The following MCM4 variants were observed in gnomAD, a reference collection of about 807,000 sequenced individuals.
The protein encoded by MCM4 is minichromosome maintenance complex component 4, also known as DNA replication licensing factor MCM4.
A neutral mutation model predicts 88.7 loss-of-function variants in MCM4; 60 were observed. That is an observed-to-expected ratio of 0.68 (90% CI 0.55 to 0.84). The LOEUF (loss-of-function observed/expected upper bound fraction) is 0.84, where lower values mean the gene tolerates loss of function less well. Among genes scored for constraint, MCM4 ranks in the 40% least tolerant of loss-of-function variants. MCM4 has a pLI of 0.00. For missense variants in MCM4, 1,149 were observed against 1,105.5 expected (o/e 1.04, Z -0.56); for synonymous variants, 465 against 410.5 (o/e 1.13, Z -1.61).
chr8:47,971,310 A>T (rs761540834), intron 12 of MCM4, 31 bp from the exon 13 acceptor site: 1 of 1,612,172 alleles, frequency 6.2e-7, no homozygotes, highest in South Asian at 1.1e-5. Flanking sequence ...CGTCAGGGAG[A>T]GGCTTCTAAC....
chr8:47,963,965 T>G (rs1310837517), intron 7 of MCM4, among the ~76,000 whole-genome samples: 1 of 152,242 alleles, frequency 6.6e-6, no homozygotes, highest in African/African-American at 2.4e-5. Flanking sequence ...GGCTCATGCC[T>G]GTGATCCCAG....
intron 10 of MCM4, among the ~76,000 whole-genome samples, chr8:47,968,119 T>G (rs991139893): frequency 1.3e-5 from 2 of 152,142 alleles, no homozygotes; most frequent in African/African-American, 2.4e-5. Context: ...AGTCCTCCTT[T>G]TGATGCTGTA....
At chr8:47,966,491 T>C in intron 9 of MCM4, 84 bp downstream of exon 9, 2 of 1,316,906 alleles carry the variant, frequency 1.5e-6, no homozygotes, top group African/African-American at 2.9e-5. Context: ...CCTCGGACCC[T>C]GAGCCTCACT....
chr8:47,964,673 G>T lies in MCM4; in HGVS notation c.793G>T (p.Ala265Ser). Residue 265 changes from alanine to serine, a missense_variant, in exon 8 of 17, where the codon GCA (alanine) becomes TCA (serine). Coordinates refer to ENST00000649973, the MANE Select transcript of MCM4 (RefSeq NM_182746.3). ...TCAGATTCAAGTAAGACCATTCAAC[G>T]CATTGAAGACTAAGAATATGAGAAA... is the stretch of plus-strand genomic sequence containing the variant. ...EHQIQVRPFNALKTKNMRNLN... is the reference protein window; with the variant it reads ...EHQIQVRPFNSLKTKNMRNLN... 2 of 1,597,908 alleles carry T rather than the reference G, an allele frequency of 1.3e-6. No homozygotes were observed. Among genetic ancestry groups the T allele is most frequent in the Non-Finnish European group, 8.5e-7 (1 of 1,174,430 alleles).
Position 47,970,770 on chromosome 8 carries a change from T to G in MCM4, c.1694T>G (p.Leu565Arg). Residue 565 changes from leucine (L) to arginine (R), a missense_variant, in exon 12 of 17, where the codon CTG becomes CGG. Leu to Arg is a moderately radical substitution (Grantham distance 102). Coordinates refer to ENST00000649973, the MANE Select transcript of MCM4 (RefSeq NM_182746.3). ...GTCCTGCAGACAGGTGCTCTTGTCC[T>G]GAGTGACAACGGCATCTGCTGTATC... ...QLVLQTGALV[L>R]SDNGICCIDE... is the part of the protein sequence containing the mutation. 1 of 1,614,230 alleles carries G rather than the reference T, an allele frequency of 6.2e-7. No homozygotes were observed. The highest frequency in any genetic ancestry group is 1.1e-5 in the South Asian group (1 of 91,088).
rs1220077261 is a variant in MCM4, at chr8:47,961,223, C to T, written c.70+9C>T. 6.7e-7 allele frequency: 1 copy of T among 1,500,066 alleles called. No homozygotes were observed. The highest frequency in any genetic ancestry group is 8.8e-7 in the Non-Finnish European group (1 of 1,132,360). The allele number at this position is 1,500,066 out of a possible 1,614,324, so 92.9% of individuals were successfully genotyped here. The stretch of plus-strand genomic sequence containing the variant: ...CACCCCCGCCCAGACGCGTGAGTCC[C>T]CCGAGCCGGGCCCACTACAGCCCCC... On this transcript the variant is annotated intron_variant, in intron 2 of 16. Coordinates refer to ENST00000649973, the MANE Select transcript of MCM4 (RefSeq NM_182746.3).
chr8:47,964,047 A>G (rs1205420238), intron 7 of MCM4, among the ~76,000 whole-genome samples: 2 of 152,198 alleles, frequency 1.3e-5, no homozygotes, highest in Non-Finnish European at 2.9e-5. Flanking sequence ...AACGTGGAGA[A>G]ACCCCGTCTC....
At chr8:47,974,673 A>G in intron 14 of MCM4, 61 bp from the exon 15 acceptor site, 1 of 1,397,428 alleles carries the variant, frequency 7.2e-7, no homozygotes, top group Non-Finnish European at 1.0e-6. Flanking sequence ...AAATTCACCC[A>G]CAAAACTAAA....
At position 47,970,778 on chromosome 8, in the gene MCM4, A is replaced by G. The variant is rs754598592; in HGVS notation, c.1702A>G (p.Asn568Asp). ...LQTGALVLSD[N>D]GICCIDEFDK... ...GACAGGTGCTCTTGTCCTGAGTGAC[A>G]ACGGCATCTGCTGTATCGATGAGTT... Residue 568 changes from asparagine to aspartate, a missense_variant, in exon 12 of 17, where the codon AAC (asparagine) becomes GAC (aspartate). Asn to Asp is a conservative substitution (Grantham distance 23). Coordinates refer to ENST00000649973, the MANE Select transcript of MCM4 (RefSeq NM_182746.3). 6.2e-7 allele frequency: 1 copy of G among 1,614,238 alleles called. No homozygotes were observed. The highest frequency in any genetic ancestry group is 8.5e-7 in the Non-Finnish European group (1 of 1,180,048).
At chr8:47,961,407 C>T (rs1328540939) in intron 2 of MCM4, 109 bp from the exon 3 acceptor site, 3 of 1,590,000 alleles carry the variant, frequency 1.9e-6, no homozygotes, top group Non-Finnish European at 1.7e-6. Context: ...CCATTTGCCT[C>T]TGTTTGGTTT....
In MCM4 at chr8:47,969,918, T is replaced by A. The variant is rs1374393035; in HGVS notation, c.1295T>A (p.Leu432His). 1.2e-6 allele frequency: 2 copies of A among 1,614,070 alleles called. No homozygotes were observed. Among genetic ancestry groups the A allele is most frequent in the Non-Finnish European group, 8.5e-7 (1 of 1,180,048 alleles). ...ACGGATGCAAAACGTCTGCATGGCC[T>A]TGATGAAGAAGCAGAACAGAAACTT... ...RKTDAKRLHG[L>H]DEEAEQKLFS... The change falls in exon 11 of 17, where the codon CTT becomes CAT. Residue 432 changes from leucine to histidine, a missense_variant. Leu to His is a moderately conservative substitution (Grantham distance 99). This residue lies in a region of MCM4 where 906 missense variants were observed against 843.0 expected (regional missense o/e 1.07). Coordinates refer to ENST00000649973, the MANE Select transcript of MCM4 (RefSeq NM_182746.3).
chr8:47,966,062 T>C lies in MCM4; in HGVS notation c.833-125T>C. On this transcript the variant is annotated intron_variant, in intron 8 of 16. Transcript: ENST00000649973. ...GTCTCCTGAAGACATAGCCTGCAGA[T>C]GACTGGACACAGAAAGGTCGCCCTA... is the stretch of plus-strand genomic sequence containing the variant. The C allele has an allele frequency of 4.2e-6, 3 of 713,276 alleles. No homozygotes were observed. In the Admixed American group the frequency reaches 6.5e-5, roughly 15 times the overall value. 44.2% of individuals were successfully genotyped at this position (713,276 alleles called of 1,614,324 possible).
chr8:47,976,963 T>C lies in MCM4; in HGVS notation c.*185T>C, dbSNP rs2154505545. The C allele has an allele frequency of 2.0e-6, 1 of 494,956 alleles. No homozygotes were observed. Among genetic ancestry groups the C allele is most frequent in the East Asian group, 3.5e-5 (1 of 28,954 alleles). The allele number at this position is 494,956 out of a possible 1,614,324, so 30.7% of individuals were successfully genotyped here. ...GTATCTGTTTTCATTTTTTTCACGT[T>C]ATAAATAAAAATACTATGCTGGCCG... On this transcript the variant is annotated 3_prime_UTR_variant, in exon 17 of 17. Coordinates refer to ENST00000649973, the MANE Select transcript of MCM4 (RefSeq NM_182746.3).
At chr8:47,969,755 A>G in intron 10 of MCM4, 43 bp from the exon 11 acceptor site, 1 of 1,607,676 alleles carries the variant, frequency 6.2e-7, no homozygotes, top group South Asian at 1.1e-5. Flanking sequence ...ACTCGGAGGA[A>G]GATATGGGAA....
In MCM4 at chr8:47,976,830, ATGGG is replaced by A; in HGVS notation, c.*55_*58del. On this transcript the variant is annotated 3_prime_UTR_variant, in exon 17 of 17. Transcript: ENST00000649973. The stretch of plus-strand genomic sequence containing the variant: ...GCATGTCCTGCTTGCTGCACGCCAC[ATGGG>A]TGTGGTCTGCATCTCAGTTGGCCGC... 6.8e-6 allele frequency: 8 copies of A among 1,172,666 alleles called. No individual in the cohort carries two copies. The highest frequency in any genetic ancestry group is 2.3e-5 in the East Asian group (1 of 42,756). 72.6% of individuals were successfully genotyped at this position (1,172,666 alleles called of 1,614,324 possible). A position where few individuals can be genotyped will look rare whatever the true frequency, so the allele number is the denominator to read the frequency against.
At position 47,969,871 on chromosome 8, in the gene MCM4, T is replaced by C; in HGVS notation, c.1248T>C (p.Ile416=). 1.2e-6 allele frequency: 2 copies of C among 1,614,248 alleles called. No homozygotes were observed. The highest frequency in any genetic ancestry group is 1.7e-6 in the Non-Finnish European group (2 of 1,180,034). The change falls in exon 11 of 17, where the codon ATT becomes ATC. Residue 416 remains isoleucine, a synonymous_variant. Coordinates refer to ENST00000649973, the MANE Select transcript of MCM4 (RefSeq NM_182746.3). The part of the protein sequence containing the change: ...SNVKSVYKTH[I]DVIHYRKTDA... The stretch of plus-strand genomic sequence containing the variant: ...TGAAGTCTGTCTACAAAACCCACAT[T>C]GATGTCATTCATTATCGGAAAACGG...
At chr8:47,964,052 C>T (rs17287584) in intron 7 of MCM4, among the ~76,000 whole-genome samples, 2,171 of 152,108 alleles carry the variant, frequency 0.014, 46 homozygotes, top group African/African-American at 0.049. Flanking sequence ...GGAGAAACCC[C>T]GTCTCTATTA....
chr8:47,975,551 C>T, intron 15 of MCM4, 164 bp from the exon 16 acceptor site: 2 of 478,160 alleles, frequency 4.2e-6, no homozygotes, highest in South Asian at 7.8e-5. Context: ...CAGCTAGTGG[C>T]TTACAGAAAT....
rs1387121993 is a variant in MCM4 at position 47,961,662 on chromosome 8, C to T, written c.217C>T (p.Pro73Ser). ...GCAGGACGTGCTGTTTTCCAGCCCT[C>T]CCCAAATGCATTCTTCAGGTGCGTG... ...AAQDVLFSSP[P>S]QMHSSAIPLD... The change falls in exon 3 of 17, where the codon CCC becomes TCC. Residue 73 changes from proline (P) to serine (S), a missense_variant. Pro to Ser is a moderately conservative substitution (Grantham distance 74, BLOSUM62 -1). Coordinates refer to ENST00000649973, the MANE Select transcript of MCM4 (RefSeq NM_182746.3). 2.5e-6 allele frequency: 4 copies of T among 1,610,538 alleles called. No individual in the cohort carries two copies. The highest frequency in any genetic ancestry group is 3.4e-6 in the Non-Finnish European group (4 of 1,177,724).
Sources: gnomAD v4.1 joint callset for allele counts (sites outside exome capture counted in the v4.1 genomes callset) on GRCh38, gnomAD v4.1.1 for gene constraint, gnomAD v4.1.1 regional missense constraint, MANE v1.5 for transcripts, NCBI Gene and HGNC (gene_info 2026-07-23, HGNC 2026-07-21) for gene names.